MDGA2: variants seen among roughly 807,000 people sequenced by gnomAD.
The protein encoded by MDGA2 is MAM domain-containing glycosylphosphatidylinositol anchor protein 2.
In MDGA2, 40 loss-of-function variants were observed where a neutral mutation model predicts 117.8. The ratio of observed to expected loss-of-function variants is 0.34; its 90% CI spans 0.26 to 0.44. The LOEUF (loss-of-function observed/expected upper bound fraction) is 0.44, where lower values mean the gene tolerates loss of function less well. Ranked by LOEUF, MDGA2 falls within the 20% of genes least tolerant of loss-of-function variation. The pLI is 1.00. For missense variants in MDGA2, 1,123 were observed against 1,250.6 expected (o/e 0.90, Z 1.54); for synonymous variants, 452 against 439.0 (o/e 1.03, Z -0.37).
intron 1 of MDGA2, among the ~76,000 whole-genome samples, chr14:47,546,818 T>G (rs951259397): frequency 1.3e-5 from 2 of 152,182 alleles, no homozygotes; most frequent in African/African-American, 4.8e-5. Context: ...TATTCCCTTT[T>G]TTACCTTCAG....
chr14:46,969,933 C>CATATATATATAT (rs1157465830), intron 8 of MDGA2, among the ~76,000 whole-genome samples: 1 of 15,290 alleles, frequency 6.5e-5, no homozygotes, highest in Non-Finnish European at 1.3e-4. Flanking sequence ...TAAAGTATTC[C>CATATATATATAT]ATATATATAT....
chr14:47,563,016 T>C (rs1224929910), intron 1 of MDGA2, among the ~76,000 whole-genome samples: 1 of 152,200 alleles, frequency 6.6e-6, no homozygotes, highest in Non-Finnish European at 1.5e-5. Flanking sequence ...GAGCAGGCTG[T>C]TGAATTTCCA....
At chr14:47,384,314 C>T (rs1468059415) in intron 1 of MDGA2, among the ~76,000 whole-genome samples, 1 of 150,008 alleles carries the variant, frequency 6.7e-6, no homozygotes. Context: ...ATCTAGTATC[C>T]AGGGGACTCC....
intron 1 of MDGA2, among the ~76,000 whole-genome samples, chr14:47,612,335 A>T (rs1896866244): frequency 1.3e-5 from 2 of 152,308 alleles, no homozygotes; most frequent in South Asian, 2.1e-4. Flanking sequence ...CTTATTCAAT[A>T]GAATTCATGT....
Position 47,061,713 on chromosome 14 carries a change from A to C in MDGA2, c.1196-135T>G, listed in dbSNP as rs1412890714. The C allele has an allele frequency of 8.4e-6, 6 of 718,030 alleles. No individual in the cohort carries two copies. In the African/African-American group the frequency reaches 1.1e-4, roughly 13 times the overall value. 44.5% of individuals were successfully genotyped at this position (718,030 alleles called of 1,614,324 possible). A position where few individuals can be genotyped will look rare whatever the true frequency, so the allele number is the denominator to read the frequency against. ...GTACATATATTTCTTTTTTATATCC[A>C]AGTTGTGTGTACATCAAAAAACCTC... On this transcript the variant is annotated intron_variant, in intron 6 of 16. Coordinates refer to ENST00000399232, the MANE Select transcript of MDGA2 (RefSeq NM_001113498.3).
intron 7 of MDGA2, among the ~76,000 whole-genome samples, chr14:47,044,010 G>A (rs1889168456): frequency 6.6e-6 from 1 of 151,774 alleles, no homozygotes; most frequent in African/African-American, 2.4e-5. Context: ...AAAATGTCCT[G>A]ATGTAAGCAT....
chr14:46,964,990 C>T (rs1885966827), intron 8 of MDGA2, among the ~76,000 whole-genome samples: 1 of 108,530 alleles, frequency 9.2e-6, no homozygotes, highest in African/African-American at 5.2e-5. Context: ...GTGGCACGAT[C>T]TCGGCTCACT....
intron 5 of MDGA2, among the ~76,000 whole-genome samples, chr14:47,103,389 A>G (rs1019271969): frequency 1.3e-5 from 2 of 152,214 alleles, no homozygotes; most frequent in African/African-American, 2.4e-5. Context: ...GAGATAATAT[A>G]TTAGAAGTTG....
chr14:47,191,978 C>T (rs17118145), intron 3 of MDGA2, among the ~76,000 whole-genome samples: 2 of 152,012 alleles, frequency 1.3e-5, no homozygotes, highest in African/African-American at 2.4e-5. Flanking sequence ...ACTGCTTGCA[C>T]CTTAGTGAGC....
chr14:47,596,059 C>T (rs1209878268), intron 1 of MDGA2, among the ~76,000 whole-genome samples: 2 of 152,110 alleles, frequency 1.3e-5, no homozygotes, highest in Admixed American at 6.5e-5. Flanking sequence ...GGGAACCTGG[C>T]TGCAAAGGAA....
chr14:47,220,205 A>C (rs1886247949), intron 2 of MDGA2, among the ~76,000 whole-genome samples: 1 of 152,216 alleles, frequency 6.6e-6, no homozygotes, highest in African/African-American at 2.4e-5. Context: ...GGAAGAGTTT[A>C]CCAAGTCACA....
chr14:47,225,067 A>C (rs1212631042), intron 2 of MDGA2, among the ~76,000 whole-genome samples: 1 of 152,196 alleles, frequency 6.6e-6, no homozygotes, highest in Non-Finnish European at 1.5e-5. Context: ...CAAAGCAACA[A>C]AATTTTAACC....
chr14:47,209,128 G>T (rs561847316), intron 3 of MDGA2, among the ~76,000 whole-genome samples: 1 of 151,958 alleles, frequency 6.6e-6, no homozygotes, highest in South Asian at 2.1e-4. Flanking sequence ...TAGTACTTTT[G>T]ATATGTAAAC....
chr14:47,162,212 C>A (rs138664377), intron 3 of MDGA2, among the ~76,000 whole-genome samples: 3 of 151,896 alleles, frequency 2.0e-5, no homozygotes, highest in Admixed American at 2.0e-4. Context: ...CCCAAAGTGC[C>A]GGGATTACAG....
At chr14:46,907,233 C>T (rs1321581790) in intron 10 of MDGA2, among the ~76,000 whole-genome samples, 4 of 152,132 alleles carry the variant, frequency 2.6e-5, no homozygotes, top group Admixed American at 2.0e-4. Flanking sequence ...CTGCCTTGGC[C>T]TCCCAAAGTG....
chr14:47,125,724 T>C (rs1881868512), intron 5 of MDGA2, among the ~76,000 whole-genome samples: 1 of 152,066 alleles, frequency 6.6e-6, no homozygotes, highest in African/African-American at 2.4e-5. Flanking sequence ...GATGATATCT[T>C]AATTAGATAA....
intron 1 of MDGA2, among the ~76,000 whole-genome samples, chr14:47,310,074 A>G (rs1889586116): frequency 1.3e-5 from 2 of 152,140 alleles, no homozygotes; most frequent in South Asian, 4.1e-4. Context: ...CTATTTTTTA[A>G]AACAAAGCAA....
intron 14 of MDGA2, among the ~76,000 whole-genome samples, chr14:46,869,272 C>CT (rs1237351169): frequency 6.8e-6 from 1 of 148,148 alleles, no homozygotes; most frequent in South Asian, 2.1e-4. Flanking sequence ...ATTGCACATT[C>CT]TTTTTTTAAA....
chr14:47,245,316 T>G (rs915397154), intron 2 of MDGA2, among the ~76,000 whole-genome samples: 2 of 151,906 alleles, frequency 1.3e-5, no homozygotes, highest in African/African-American at 4.8e-5. Flanking sequence ...TTTCTTTTCT[T>G]TATCTTACTT....
Sources: allele counts gnomAD v4.1 joint callset (sites outside exome capture counted in the v4.1 genomes callset), GRCh38; gene constraint gnomAD v4.1.1; transcripts MANE v1.5; gene names NCBI Gene and HGNC (gene_info 2026-07-23, HGNC 2026-07-21).